Variants in CCAR2 observed in about 807,000 individuals in gnomAD.
The protein encoded by CCAR2 is cell cycle and apoptosis regulator protein 2.
Under a neutral mutation model 108.1 loss-of-function variants are expected in CCAR2, and 21 were observed. The ratio of observed to expected loss-of-function variants is 0.19; its 90% CI spans 0.14 to 0.28. The LOEUF (loss-of-function observed/expected upper bound fraction) is 0.28, where lower values mean the gene tolerates loss of function less well. Ranked by LOEUF, CCAR2 falls within the 10% of genes least tolerant of loss-of-function variation. The pLI is 1.00. For synonymous variants in CCAR2, 577 were observed against 472.8 expected (o/e 1.22, Z -2.86); for missense variants, 1,126 against 1,177.0 (o/e 0.96, Z 0.63).
rs1563917773 is a variant in CCAR2, at chr8:22,614,426, T to C, written c.964T>C (p.Tyr322His). 6.2e-7 allele frequency: 1 copy of C among 1,614,220 alleles called. No homozygotes were observed. The change falls in exon 10 of 21, where the codon TAT (tyrosine) becomes CAT (histidine). Residue 322 changes from tyrosine (Y) to histidine (H), a missense_variant. This residue lies in a region of CCAR2 where 1,013 missense variants were observed against 993.9 expected (regional missense o/e 1.02). Coordinates refer to ENST00000308511, the MANE Select transcript of CCAR2 (RefSeq NM_001393997.1). ...CTCTTCCCCGGGGTTGGAGGAATTG[T>C]ATCGTTGTTGCATGCTCTTTGTGGA... ...LLSSPGLEEL[Y>H]RCCMLFVDDM...
chr8:22,620,559 A>G (rs547300859), downstream of CCAR2: 1 of 151,974 alleles, frequency 6.6e-6, no homozygotes, highest in Non-Finnish European at 1.5e-5. Context: ...ACCACGGTGC[A>G]GTTCGCTCCA....
intron 8 of CCAR2, 86 bp from the exon 9 acceptor site, chr8:22,614,006 T>C: frequency 8.0e-7 from 1 of 1,254,320 alleles, no homozygotes; most frequent in Non-Finnish European, 1.1e-6. Flanking sequence ...GAAAAAAAAT[T>C]CGCCCATTTT....
Position 22,607,291 on chromosome 8 carries a change from G to A in CCAR2, c.453G>A (p.Gln151=), listed in dbSNP as rs763622075. The A allele has an allele frequency of 6.2e-7, 1 of 1,613,356 alleles. No individual in the cohort carries two copies. The highest frequency in any genetic ancestry group is 2.2e-5 in the East Asian group (1 of 44,860). The change falls in exon 6 of 21, where the codon CAG becomes CAA. Residue 151 remains glutamine, a synonymous_variant. Transcript: ENST00000308511. The part of the protein sequence containing the change: ...ILGAQPQLIF[Q]PHRIPPLFPQ... ...GAGCTCAGCCTCAGTTGATCTTCCA[G>A]CCTCACCGGATTCCCCCACTCTTTC...
intron 2 of CCAR2, 68 bp downstream of exon 2, chr8:22,605,899 C>G: frequency 2.6e-6 from 4 of 1,521,434 alleles, no homozygotes; most frequent in Non-Finnish European, 3.6e-6. Flanking sequence ...TTTGGGGTTT[C>G]CCTGGTGGAG....
chr8:22,618,561 G>T, intron 17 of CCAR2, 56 bp from the exon 18 acceptor site: 1 of 1,613,952 alleles, frequency 6.2e-7, no homozygotes, highest in East Asian at 2.2e-5. Flanking sequence ...CTAGGTTCCC[G>T]CCCATGGCCA....
chr8:22,605,382 TAGTG>T (rs1416013043), intron 1 of CCAR2: 1 of 178,890 alleles, frequency 5.6e-6, no homozygotes, highest in African/African-American at 2.4e-5. Context: ...TGGCGTGGCA[TAGTG>T]AGAGGAGCGC....
At chr8:22,609,698 A>C (rs1801206553) in intron 7 of CCAR2, among the ~76,000 whole-genome samples, 2 of 152,152 alleles carry the variant, frequency 1.3e-5, no homozygotes, top group East Asian at 3.9e-4. Flanking sequence ...TTACAAAATC[A>C]CAGCAGGTGC....
intron 11 of CCAR2, 130 bp downstream of exon 11, chr8:22,615,131 G>C: frequency 1.6e-6 from 2 of 1,259,122 alleles, no homozygotes; most frequent in Non-Finnish European, 1.1e-6. Flanking sequence ...TCCCCCTCTG[G>C]TGCCTCAGGG....
intron 6 of CCAR2, 142 bp downstream of exon 6, chr8:22,607,467 GTTTTTTTT>G (rs34256757): frequency 5.0e-6 from 2 of 403,940 alleles, no homozygotes; most frequent in African/African-American, 2.6e-5. Flanking sequence ...GGTGTTTAGG[GTTTTTTTT>G]TTTTTTTTTT....
chr8:22,609,026 T>G (rs916115372), intron 7 of CCAR2, among the ~76,000 whole-genome samples: 1 of 152,004 alleles, frequency 6.6e-6, no homozygotes, highest in Non-Finnish European at 1.5e-5. Context: ...TGGGAAATGT[T>G]ATGTAACCCT....
Position 22,613,023 on chromosome 8 carries a change from C to T in CCAR2, c.591C>T (p.Asp197=), listed in dbSNP as rs1393048723. Residue 197 remains aspartate, a synonymous_variant, in exon 8 of 21, where the codon GAC becomes GAT. Coordinates refer to ENST00000308511, the MANE Select transcript of CCAR2 (RefSeq NM_001393997.1). ...HGRLDQGRSD[D]YDSKKRKQRA... ...GTGATGGGTCAACCTCTAGTGATGACTATGACTCCAAGAAACGCAAACAGC... is the reference window on the plus strand; with the variant it reads ...GTGATGGGTCAACCTCTAGTGATGATTATGACTCCAAGAAACGCAAACAGC... The T allele has an allele frequency of 6.2e-7, 1 of 1,612,732 alleles. No individual in the cohort carries two copies. The highest frequency in any genetic ancestry group is 1.3e-5 in the African/African-American group (1 of 74,830).
At chr8:22,617,846 C>A in intron 16 of CCAR2, 68 bp downstream of exon 16, 2 of 1,501,786 alleles carry the variant, frequency 1.3e-6, no homozygotes, top group Non-Finnish European at 1.8e-6. Flanking sequence ...CTGGCCCACT[C>A]CTGGGAGAAG....
chr8:22,609,167 C>T (rs772535229), intron 7 of CCAR2, among the ~76,000 whole-genome samples: 11 of 151,848 alleles, frequency 7.2e-5, no homozygotes, highest in Admixed American at 2.0e-4. Flanking sequence ...CCTCCTGCCT[C>T]GGCCTCCGCA....
rs776408705 is a variant in CCAR2 at position 22,618,429 on chromosome 8, C to G, written c.2154C>G (p.Gly718=). ...TGTTCTTTGATGCCAACTGGTGTGG[C>G]TACTTGCACCGGCGAGACTTAGAGA... ...AFVFFDANWC[G]YLHRRDLERI... Residue 718 remains glycine (G), a synonymous_variant, in exon 17 of 21, where the codon GGC becomes GGG. Transcript: ENST00000308511. 1.9e-6 allele frequency: 3 copies of G among 1,614,116 alleles called. No homozygotes were observed. In the African/African-American group the frequency reaches 4.0e-5, roughly 22 times the overall value.
rs768501535 is a variant in CCAR2, at chr8:22,607,335, A to T, written c.487+10A>T. 6.8e-6 allele frequency: 11 copies of T among 1,609,098 alleles called. No individual in the cohort carries two copies. In the South Asian group the frequency reaches 1.1e-4, roughly 16 times the overall value. On this transcript the variant is annotated intron_variant, in intron 6 of 20. Coordinates refer to ENST00000308511, the MANE Select transcript of CCAR2 (RefSeq NM_001393997.1). The stretch of plus-strand genomic sequence containing the variant: ...CTCTTTCCTCAGAAGCGTGAGTACG[A>T]GTGGCACTGTTGTTGGGTGTGGCAT...
At position 22,617,724 on chromosome 8, in the gene CCAR2, C is replaced by G. The variant is rs1182459669; in HGVS notation, c.2019C>G (p.Val673=). Residue 673 remains valine (V), a synonymous_variant, in exon 16 of 21, where the codon GTC becomes GTG. Transcript: ENST00000308511. ...GAGCAAAGCTGGAGGATTCGGAGGT[C>G]CGGTCCGTTGCCTCAAACCAGTCAG... is the stretch of plus-strand genomic sequence containing the variant. ...FAGAKLEDSE[V]RSVASNQSEM... The G allele has an allele frequency of 6.8e-6, 11 of 1,614,034 alleles. No homozygotes were observed. The highest frequency in any genetic ancestry group is 5.3e-5 in the African/African-American group (4 of 74,910).
At position 22,616,166 on chromosome 8, in the gene CCAR2, A is replaced by C; in HGVS notation, c.1763A>C (p.Glu588Ala). ...AAGGAAGAAGCCACCAAGGAGGAAG[A>C]AGCCATCAAAGAGGAGGTGGTCAAG... ...AAKEEATKEEEAIKEEVVKEP... is the reference protein window; with the variant it reads ...AAKEEATKEEAAIKEEVVKEP... Residue 588 changes from glutamate (E) to alanine (A), a missense_variant, in exon 14 of 21, where the codon GAA becomes GCA. Physicochemically the swap from Glu to Ala is moderately radical, Grantham distance 107. Around this residue, in one of 4 missense-constraint regions of CCAR2, gnomAD observed 1,013 missense variants for 993.9 expected, o/e 1.02. Transcript: ENST00000308511. 1.2e-6 allele frequency: 2 copies of C among 1,614,042 alleles called. No individual in the cohort carries two copies. Among genetic ancestry groups the C allele is most frequent in the Non-Finnish European group, 1.7e-6 (2 of 1,180,048 alleles).
At position 22,618,893 on chromosome 8, in the gene CCAR2, A is replaced by C. The variant is rs1326666848; in HGVS notation, c.2399A>C (p.Lys800Thr). The C allele has an allele frequency of 6.2e-7, 1 of 1,613,968 alleles. No homozygotes were observed. The highest frequency in any genetic ancestry group is 2.2e-5 in the East Asian group (1 of 44,872). ...TKPGAAPTEHKALVSHNGSLI... is the reference protein window; with the variant it reads ...TKPGAAPTEHTALVSHNGSLI... ...CCAGGTGCTGCCCCCACAGAACACA[A>C]AGCCTTGGTGTCCCACAATGGCAGC... is the stretch of plus-strand genomic sequence containing the variant. The change falls in exon 19 of 21, where the codon AAA (lysine) becomes ACA (threonine). Residue 800 changes from lysine (K) to threonine (T), a missense_variant. Lys to Thr is a moderately conservative substitution (Grantham distance 78). Around this residue, in one of 4 missense-constraint regions of CCAR2, gnomAD observed 1,013 missense variants for 993.9 expected, o/e 1.02. Coordinates refer to ENST00000308511, the MANE Select transcript of CCAR2 (RefSeq NM_001393997.1).
intron 11 of CCAR2, 150 bp from the exon 12 acceptor site, chr8:22,615,275 G>C: frequency 8.7e-6 from 9 of 1,032,464 alleles, no homozygotes; most frequent in Middle Eastern, 2.4e-4. Context: ...TTGAGGACTT[G>C]GTCTGTAGCT....
Sources: allele counts gnomAD v4.1 joint callset (sites outside exome capture counted in the v4.1 genomes callset), GRCh38; gene constraint gnomAD v4.1.1; regional missense constraint gnomAD v4.1.1; transcripts MANE v1.5; gene names NCBI Gene and HGNC (gene_info 2026-07-23, HGNC 2026-07-21).